Variants in NOVA1 observed in about 807,000 individuals in gnomAD.
NOVA1 encodes RNA-binding protein Nova-1.
A neutral mutation model predicts 38.0 loss-of-function variants in NOVA1; 7 were observed. That is an observed-to-expected ratio of 0.18 (90% CI 0.10 to 0.35). The LOEUF is 0.35. Ranked by LOEUF, NOVA1 falls within the 10% of genes least tolerant of loss-of-function variation. NOVA1 has a pLI of 1.00. For synonymous variants in NOVA1, 270 were observed against 232.5 expected (o/e 1.16, Z -1.47); for missense variants, 460 against 616.0 (o/e 0.75, Z 2.68).
intron 4 of NOVA1, among the ~76,000 whole-genome samples, chr14:26,458,823 G>T (rs541067303): frequency 6.6e-6 from 1 of 151,980 alleles, no homozygotes; most frequent in South Asian, 2.1e-4. Context: ...ATGCTGAAAG[G>T]AAACAAAATT....
At chr14:26,538,006 A>G (rs1321968628) in intron 2 of NOVA1, among the ~76,000 whole-genome samples, 1 of 152,162 alleles carries the variant, frequency 6.6e-6, no homozygotes, top group African/African-American at 2.4e-5. Context: ...GCTAAGAGGC[A>G]ATACAAAACT....
chr14:26,519,961 C>T (rs1386666946), intron 2 of NOVA1, among the ~76,000 whole-genome samples: 3 of 152,022 alleles, frequency 2.0e-5, no homozygotes, highest in Admixed American at 2.0e-4. Context: ...TTGCATTATT[C>T]AAGGTAGTTA....
chr14:26,499,319 T>C (rs1887078296), intron 2 of NOVA1, among the ~76,000 whole-genome samples: 1 of 152,116 alleles, frequency 6.6e-6, no homozygotes, highest in South Asian at 2.1e-4. Flanking sequence ...GTAAAATTTA[T>C]TTAAATAAAC....
intron 2 of NOVA1, among the ~76,000 whole-genome samples, chr14:26,511,029 G>C (rs1213913033): frequency 6.6e-6 from 1 of 152,012 alleles, no homozygotes; most frequent in East Asian, 1.9e-4. Flanking sequence ...ATACTATGCT[G>C]CAAATACACA....
intron 2 of NOVA1, among the ~76,000 whole-genome samples, chr14:26,488,574 CAA>C (rs1324106785): frequency 6.6e-6 from 1 of 151,894 alleles, no homozygotes; most frequent in African/African-American, 2.4e-5. Context: ...TGAGGCCATG[CAA>C]AAAACAGTTA....
chr14:26,491,415 G>A (rs970659607), intron 2 of NOVA1, among the ~76,000 whole-genome samples: 2 of 152,044 alleles, frequency 1.3e-5, no homozygotes, highest in Non-Finnish European at 2.9e-5. Flanking sequence ...ATGTCCTTTG[G>A]TAATGGACGT....
intron 2 of NOVA1, among the ~76,000 whole-genome samples, chr14:26,534,039 T>C (rs568539326): frequency 8.5e-5 from 13 of 152,284 alleles, no homozygotes; most frequent in African/African-American, 2.6e-4. Flanking sequence ...AACTAGTCTA[T>C]AGAGGAAAAA....
chr14:26,457,051 G>A (rs577546724), intron 4 of NOVA1, among the ~76,000 whole-genome samples: 61 of 151,842 alleles, frequency 4.0e-4, no homozygotes, highest in Middle Eastern at 6.8e-3. Context: ...AGAAAGGGAG[G>A]AATAGAGATT....
intron 2 of NOVA1, among the ~76,000 whole-genome samples, chr14:26,482,812 G>A (rs1389973982): frequency 2.0e-5 from 3 of 152,042 alleles, no homozygotes; most frequent in Non-Finnish European, 4.4e-5. Flanking sequence ...TGATCCTCAT[G>A]CCTTGGCCCT....
intron 4 of NOVA1, among the ~76,000 whole-genome samples, chr14:26,452,757 T>C (rs992207159): frequency 1.3e-5 from 2 of 152,208 alleles, no homozygotes; most frequent in Non-Finnish European, 2.9e-5. Context: ...ACAAATCAGA[T>C]TGCCCTTCAG....
At chr14:26,464,410 G>C (rs1883950419) in intron 4 of NOVA1, among the ~76,000 whole-genome samples, 1 of 152,238 alleles carries the variant, frequency 6.6e-6, no homozygotes, top group African/African-American at 2.4e-5. Context: ...TATTGTAATG[G>C]GCTATACCAT....
chr14:26,461,154 C>CCAA (rs1883630619), intron 4 of NOVA1, among the ~76,000 whole-genome samples: 1 of 152,074 alleles, frequency 6.6e-6, no homozygotes. Flanking sequence ...CTAGTATGAG[C>CCAA]CAATACTAGA....
chr14:26,504,477 G>A (rs533080967), intron 2 of NOVA1, among the ~76,000 whole-genome samples: 12 of 152,092 alleles, frequency 7.9e-5, no homozygotes, highest in Non-Finnish European at 1.8e-4. Flanking sequence ...CTCAAAACCT[G>A]AGAAAGCTAT....
chr14:26,479,258 G>C (rs1014167713), intron 3 of NOVA1: 3 of 151,986 alleles, frequency 2.0e-5, no homozygotes, highest in African/African-American at 7.2e-5. Context: ...ACGTAAAAGA[G>C]TTTACGGTGG....
intron 2 of NOVA1, among the ~76,000 whole-genome samples, chr14:26,563,711 GA>G (rs1336197680): frequency 1.3e-5 from 2 of 151,940 alleles, no homozygotes; most frequent in Non-Finnish European, 2.9e-5. Flanking sequence ...GGATGCATGT[GA>G]AAAATATATT....
intron 2 of NOVA1, among the ~76,000 whole-genome samples, chr14:26,486,641 A>T (rs1389455757): frequency 8.0e-6 from 1 of 125,318 alleles, no homozygotes; most frequent in Non-Finnish European, 1.6e-5. Context: ...CCTGGGAGGC[A>T]GAGCTTGCAG....
At chr14:26,558,299 C>T (rs1891617923) in intron 2 of NOVA1, among the ~76,000 whole-genome samples, 1 of 152,094 alleles carries the variant, frequency 6.6e-6, no homozygotes, top group African/African-American at 2.4e-5. Context: ...AACTGTACCA[C>T]ACTAATTGTC....
intron 2 of NOVA1, among the ~76,000 whole-genome samples, chr14:26,488,275 T>C (rs1047078836): frequency 1.3e-5 from 2 of 152,184 alleles, no homozygotes; most frequent in Non-Finnish European, 1.5e-5. Context: ...AGTCAAAGGA[T>C]GAGAGTATAT....
In NOVA1 at chr14:26,448,745, T is replaced by G; in HGVS notation, c.738A>C (p.Gln246His). The change falls in exon 5 of 5, where the codon CAA (glutamine) becomes CAC (histidine). Residue 246 changes from glutamine to histidine, a missense_variant. Transcript: ENST00000539517. This position sits in a 1 kb window ranked among gnomAD's most constrained non-coding sequence, Gnocchi z 5.3. ...LIIQKIQEDP[Q>H]SGSCLNISYA... The stretch of plus-strand genomic sequence containing the variant: ...AACTGATATTGAGACAGCTGCCACT[T>G]TGTGGATCCTCTTGTATCTTCTGGA... 1.2e-6 allele frequency: 2 copies of G among 1,614,202 alleles called. No homozygotes were observed. The highest frequency in any genetic ancestry group is 1.7e-6 in the Non-Finnish European group (2 of 1,180,034).
Sources: gnomAD v4.1 joint callset for allele counts (sites outside exome capture counted in the v4.1 genomes callset) on GRCh38, gnomAD v4.1.1 for gene constraint, Gnocchi (gnomAD v3.1) non-coding constraint, MANE v1.5 for transcripts, NCBI Gene and HGNC (gene_info 2026-07-23, HGNC 2026-07-21) for gene names.